CDH3: variants seen among roughly 807,000 people sequenced by gnomAD.
The protein encoded by CDH3 is cadherin-3.
CDH3 carries 54 observed loss-of-function variants against 82.0 expected under a neutral mutation model. That is an observed-to-expected ratio of 0.66 (90% CI 0.53 to 0.83). The LOEUF is 0.83. Among genes scored for constraint, CDH3 ranks in the 40% least tolerant of loss-of-function variants. The probability of loss-of-function intolerance (pLI) is 0.00; values close to 1 mark genes in which losing one functional copy is unlikely to be tolerated. For synonymous variants in CDH3, 446 were observed against 437.9 expected (o/e 1.02, Z -0.23); for missense variants, 1,054 against 1,084.6 (o/e 0.97, Z 0.40).
chr16:68,675,421 G>A (rs1961001746), intron 2 of CDH3, among the ~76,000 whole-genome samples: 1 of 152,174 alleles, frequency 6.6e-6, no homozygotes, highest in South Asian at 2.1e-4. Context: ...AGGAAGAGTA[G>A]GTAACAACGT....
chr16:68,714,764 C>T (rs559171390), intron 1 of CDH3, among the ~76,000 whole-genome samples: 2 of 152,278 alleles, frequency 1.3e-5, no homozygotes, highest in African/African-American at 4.8e-5. Context: ...TGTCTGTAAT[C>T]CCAGCGCTTT....
chr16:68,685,269 G>A lies in CDH3; in HGVS notation c.1489G>A (p.Ala497Thr). 2 of 1,614,166 alleles carry A rather than the reference G, an allele frequency of 1.2e-6. No homozygotes were observed. The highest frequency in any genetic ancestry group is 1.1e-5 in the South Asian group (1 of 91,082). The change falls in exon 11 of 16, where the codon GCT becomes ACT. Residue 497 changes from alanine (A) to threonine (T), a missense_variant. Coordinates refer to ENST00000264012, the MANE Select transcript of CDH3 (RefSeq NM_001793.6). ...AMDPDSGQVT[A>T]VGTLDREDEQ... ...GGACCCAGACAGTGGGCAGGTCACA[G>A]CTGTGGGCACCCTCGACCGTGAGGA...
At chr16:68,705,349 G>C (rs1401485497) in intron 1 of CDH3, among the ~76,000 whole-genome samples, 1 of 152,120 alleles carries the variant, frequency 6.6e-6, no homozygotes, top group Non-Finnish European at 1.5e-5. Context: ...GGGTCCCCTT[G>C]AGTATGTGGC....
At chr16:68,664,963 G>A (rs1345012713) in intron 2 of CDH3, among the ~76,000 whole-genome samples, 5 of 152,106 alleles carry the variant, frequency 3.3e-5, no homozygotes, top group African/African-American at 1.2e-4. Flanking sequence ...TGGCATTTGG[G>A]ATTTAATTTC....
intron 7 of CDH3, 103 bp downstream of exon 7, chr16:68,680,077 G>T: frequency 8.9e-7 from 1 of 1,122,302 alleles, no homozygotes. Context: ...GCCCAAGGCA[G>T]AACAGTGAGG....
At chr16:68,679,193 C>A (rs1961131113) in intron 6 of CDH3, among the ~76,000 whole-genome samples, 1 of 152,202 alleles carries the variant, frequency 6.6e-6, no homozygotes, top group Non-Finnish European at 1.5e-5. Flanking sequence ...CTTGGCTTTG[C>A]CCTCTTTACC....
chr16:68,683,761 G>A (rs568899921), intron 9 of CDH3, among the ~76,000 whole-genome samples: 3 of 144,034 alleles, frequency 2.1e-5, no homozygotes, highest in Admixed American at 7.1e-5. Context: ...TCCCGTCTAC[G>A]CTAAAAGTAT....
At chr16:68,689,940 T>C (rs1328663773) in intron 12 of CDH3, among the ~76,000 whole-genome samples, 2 of 152,218 alleles carry the variant, frequency 1.3e-5, no homozygotes, top group Non-Finnish European at 2.9e-5. Flanking sequence ...TGGCAAATCC[T>C]GCATGATGAA....
chr16:68,702,108 C>G (rs889378535), downstream of CDH3, among the ~76,000 whole-genome samples: 4 of 151,932 alleles, frequency 2.6e-5, no homozygotes, highest in African/African-American at 9.7e-5. Flanking sequence ...AGGCTGGTCT[C>G]GAACTTCTGA....
At chr16:68,647,321 G>GT (rs1012712797) in intron 2 of CDH3, among the ~76,000 whole-genome samples, 1 of 140,328 alleles carries the variant, frequency 7.1e-6, no homozygotes, top group African/African-American at 2.7e-5. Context: ...AGCCTTGAGT[G>GT]TTGTCTGTAC....
At chr16:68,729,413 A>G (rs1962260577), downstream of CDH3, among the ~76,000 whole-genome samples, 1 of 152,164 alleles carries the variant, frequency 6.6e-6, no homozygotes. Context: ...AATTACATCA[A>G]AATAGAAACA....
At chr16:68,676,730 C>T (rs201003640) in intron 3 of CDH3, among the ~76,000 whole-genome samples, 4 of 152,216 alleles carry the variant, frequency 2.6e-5, no homozygotes, top group Non-Finnish European at 5.9e-5. Context: ...ACCCACTGTA[C>T]TGAGTCCCTC....
intron 1 of CDH3, among the ~76,000 whole-genome samples, chr16:68,718,961 G>A (rs373345408): frequency 3.9e-4 from 59 of 152,208 alleles, no homozygotes; most frequent in African/African-American, 1.3e-3. Context: ...AAACGGGGCC[G>A]GGCGCGGTGG....
At chr16:68,730,365 A>AGT (rs1567467555), downstream of CDH3, among the ~76,000 whole-genome samples, 1 of 151,724 alleles carries the variant, frequency 6.6e-6, no homozygotes, top group Non-Finnish European at 1.5e-5. Context: ...CGTCTCTACT[A>AGT]AAACCACAAA....
downstream of CDH3, among the ~76,000 whole-genome samples, chr16:68,704,790 C>G (rs371108346): frequency 2.6e-5 from 4 of 152,200 alleles, no homozygotes; most frequent in African/African-American, 7.2e-5. Flanking sequence ...CGTGATGGCT[C>G]ACACCTGTAA....
chr16:68,721,529 C>G (rs1480393082), intron 1 of CDH3, among the ~76,000 whole-genome samples: 1 of 152,116 alleles, frequency 6.6e-6, no homozygotes, highest in Non-Finnish European at 1.5e-5. Context: ...CCACCGCACC[C>G]GGCCACAGTT....
chr16:68,687,573 T>G lies in CDH3; in HGVS notation c.1632T>G (p.His544Gln), dbSNP rs779777939. 16 of 1,614,006 alleles carry G rather than the reference T, an allele frequency of 9.9e-6. No individual in the cohort carries two copies. In the East Asian group the frequency reaches 3.6e-4, roughly 36 times the overall value. Residue 544 changes from histidine to glutamine, a missense_variant, in exon 12 of 16, where the codon CAT becomes CAG. Coordinates refer to ENST00000264012, the MANE Select transcript of CDH3 (RefSeq NM_001793.6). ...LLLTLIDVND[H>Q]GPVPEPRQIT... The stretch of plus-strand genomic sequence containing the variant: ...TAACACTGATTGATGTCAATGACCA[T>G]GGCCCAGTCCCTGAGCCCCGTCAGA...
At position 68,694,250 on chromosome 16, in the gene CDH3, T is replaced by G. The variant is rs940232724; in HGVS notation, c.2003-1005T>G. Among the ~76,000 whole-genome samples, 77 of 145,940 alleles carry G rather than the reference T, an allele frequency of 5.3e-4. 1 individual carries two copies. Among genetic ancestry groups the G allele is most frequent in the African/African-American group, 1.8e-3 (72 of 39,280 alleles). ...ATCACTTGAACCTGGGAGGCAGAGG[T>G]TGCAGTGAGCCAAGATCCTGACACT... On this transcript the variant is annotated intron_variant, in intron 13 of 15. Transcript: ENST00000264012.
chr16:68,715,681 G>GCCCCACTTCCTGCCA (rs1285884991), intron 1 of CDH3, among the ~76,000 whole-genome samples: 1 of 152,146 alleles, frequency 6.6e-6, no homozygotes, highest in Admixed American at 6.6e-5. Flanking sequence ...CTGAGAAGCC[G>GCCCCACTTCCTGCCA]CCCCACTTCC....
Sources: allele counts gnomAD v4.1 joint callset (sites outside exome capture counted in the v4.1 genomes callset), GRCh38; gene constraint gnomAD v4.1.1; transcripts MANE v1.5; gene names NCBI Gene and HGNC (gene_info 2026-07-23, HGNC 2026-07-21).